CCSER1: variants seen among roughly 807,000 people sequenced by gnomAD.
CCSER1 encodes the protein coiled-coil serine rich protein 1.
Under a neutral mutation model 82.0 loss-of-function variants are expected in CCSER1, and 41 were observed. The ratio of observed to expected loss-of-function variants is 0.50; its 90% confidence interval spans 0.39 to 0.65. The LOEUF (loss-of-function observed/expected upper bound fraction) is 0.65, where lower values mean the gene tolerates loss of function less well. Ranked by LOEUF, CCSER1 falls within the 30% of genes least tolerant of loss-of-function variation. The pLI is 0.00. For missense variants in CCSER1, 1,119 were observed against 1,064.2 expected (o/e 1.05, Z -0.72); for synonymous variants, 414 against 383.9 (o/e 1.08, Z -0.92).
At chr4:91,086,379 T>G (rs1045053615) in intron 10 of CCSER1, among the ~76,000 whole-genome samples, 1 of 152,110 alleles carries the variant, frequency 6.6e-6, no homozygotes, top group African/African-American at 2.4e-5. Flanking sequence ...CATTTGGGAT[T>G]CCTCATTTTC....
intron 6 of CCSER1, among the ~76,000 whole-genome samples, chr4:90,644,834 C>G (rs1413974671): frequency 6.6e-6 from 1 of 151,884 alleles, no homozygotes; most frequent in East Asian, 1.9e-4. Context: ...ATAATCCCAG[C>G]ACTTTGGGAG....
chr4:90,896,695 T>A (rs1723771055), intron 8 of CCSER1, among the ~76,000 whole-genome samples: 1 of 152,044 alleles, frequency 6.6e-6, no homozygotes, highest in Middle Eastern at 3.4e-3. Context: ...GAAAAACTGG[T>A]ACACACATTT....
At chr4:90,382,750 C>T (rs1749399567) in intron 3 of CCSER1, among the ~76,000 whole-genome samples, 1 of 152,022 alleles carries the variant, frequency 6.6e-6, no homozygotes. Flanking sequence ...AATTCTATTA[C>T]TTTCTAATAT....
intron 9 of CCSER1, among the ~76,000 whole-genome samples, chr4:90,967,465 A>G (rs923765323): frequency 2.6e-5 from 4 of 151,848 alleles, no homozygotes; most frequent in African/African-American, 9.7e-5. Flanking sequence ...AAAAAAAAGT[A>G]TTTTCAACCC....
At chr4:91,126,299 A>G (rs927734430) in intron 10 of CCSER1, among the ~76,000 whole-genome samples, 11 of 151,862 alleles carry the variant, frequency 7.2e-5, no homozygotes, top group African/African-American at 2.7e-4. Context: ...TTAGAAGAGG[A>G]AACACAACCA....
At chr4:91,373,624 T>G (rs1255826902) in intron 10 of CCSER1, among the ~76,000 whole-genome samples, 2 of 152,184 alleles carry the variant, frequency 1.3e-5, no homozygotes, top group Non-Finnish European at 2.9e-5. Context: ...CATTATTTCC[T>G]GAGACACAAC....
chr4:90,288,071 T>C (rs1730229324), intron 1 of CCSER1, among the ~76,000 whole-genome samples: 1 of 151,972 alleles, frequency 6.6e-6, no homozygotes, highest in Non-Finnish European at 1.5e-5. Context: ...TTTGTTATCT[T>C]GTTTATCTGT....
chr4:91,485,610 G>A (rs1273022103), intron 10 of CCSER1, among the ~76,000 whole-genome samples: 1 of 152,114 alleles, frequency 6.6e-6, no homozygotes, highest in African/African-American at 2.4e-5. Flanking sequence ...AATCTGCCAT[G>A]CAATTATTAC....
chr4:90,927,491 G>C (rs138148915), intron 9 of CCSER1, among the ~76,000 whole-genome samples: 5 of 151,864 alleles, frequency 3.3e-5, no homozygotes, highest in African/African-American at 1.2e-4. Context: ...CTGAACTGTG[G>C]CATCACGTAT....
At chr4:90,699,526 A>G (rs1309812790) in intron 6 of CCSER1, among the ~76,000 whole-genome samples, 1 of 152,142 alleles carries the variant, frequency 6.6e-6, no homozygotes, top group East Asian at 1.9e-4. Flanking sequence ...CATGGCAGCT[A>G]TATTGTGGGG....
At chr4:90,576,901 C>T (rs1780835440) in intron 5 of CCSER1, among the ~76,000 whole-genome samples, 1 of 152,070 alleles carries the variant, frequency 6.6e-6, no homozygotes, top group Non-Finnish European at 1.5e-5. Context: ...AGTGCAATTG[C>T]TAGATCATAT....
At chr4:91,304,829 G>A (rs530810244) in intron 10 of CCSER1, among the ~76,000 whole-genome samples, 1 of 152,104 alleles carries the variant, frequency 6.6e-6, no homozygotes, top group East Asian at 1.9e-4. Flanking sequence ...TGATTAGGGA[G>A]ATATTAAAAG....
In CCSER1 at chr4:90,284,515, A is replaced by T. The variant is rs1729503955; in HGVS notation, c.-41-23729A>T. ...ATTGATTTTTTTTTTTTTTTTTGAG[A>T]CAGGGGCTTGTTCTGTCACTTAGGC... On this transcript the variant is annotated intron_variant, in intron 1 of 10. Transcript: ENST00000509176. Among the ~76,000 whole-genome samples the T allele has an allele frequency of 2.1e-5, 3 of 145,532 alleles. No homozygotes were observed. The South Asian group carries it at 6.5e-4, about 32-fold the overall frequency.
chr4:91,346,531 A>T (rs532966735), intron 10 of CCSER1, among the ~76,000 whole-genome samples: 1 of 152,304 alleles, frequency 6.6e-6, no homozygotes, highest in South Asian at 2.1e-4. Context: ...ATCCTATGAT[A>T]AGAGTGTGTT....
chr4:90,502,109 C>T (rs76345126), intron 5 of CCSER1, among the ~76,000 whole-genome samples: 2,451 of 152,122 alleles, frequency 0.016, 40 homozygotes, highest in African/African-American at 0.047. Context: ...TTTCTGAATA[C>T]ATCAATTCTC....
At chr4:91,009,305 C>T (rs1475336540) in intron 9 of CCSER1, among the ~76,000 whole-genome samples, 10 of 152,178 alleles carry the variant, frequency 6.6e-5, no homozygotes, top group South Asian at 2.1e-4. Context: ...GTTTATATCC[C>T]GATCATTGTC....
chr4:91,270,298 TC>T (rs1741921290), intron 10 of CCSER1, among the ~76,000 whole-genome samples: 1 of 152,198 alleles, frequency 6.6e-6, no homozygotes, highest in Non-Finnish European at 1.5e-5. Context: ...TTAACATTTT[TC>T]CTAGGTAAAA....
intron 9 of CCSER1, among the ~76,000 whole-genome samples, chr4:91,026,170 A>G (rs1257614079): frequency 6.6e-6 from 1 of 152,166 alleles, no homozygotes. Context: ...TAAAAGGAAC[A>G]TGCATGACAC....
At chr4:90,856,777 G>A (rs1002395354) in intron 8 of CCSER1, among the ~76,000 whole-genome samples, 1 of 152,024 alleles carries the variant, frequency 6.6e-6, no homozygotes, top group African/African-American at 2.4e-5. Context: ...AAGGGTTATT[G>A]TAAGAATAAA....
Sources: allele counts gnomAD v4.1 joint callset (sites outside exome capture counted in the v4.1 genomes callset), GRCh38; gene constraint gnomAD v4.1.1; transcripts MANE v1.5; gene names NCBI Gene and HGNC (gene_info 2026-07-23, HGNC 2026-07-21).